Variants in CEP162 observed in about 807,000 individuals in gnomAD.
CEP162 encodes centrosomal protein 162.
A neutral mutation model predicts 169.2 loss-of-function variants in CEP162; 141 were observed. The ratio of observed to expected loss-of-function variants is 0.83; its 90% CI spans 0.73 to 0.96. The LOEUF (loss-of-function observed/expected upper bound fraction) is 0.96, where lower values mean the gene tolerates loss of function less well. Among genes scored for constraint, CEP162 ranks in the 40% least tolerant of loss-of-function variants. The pLI, the probability that CEP162 is intolerant of heterozygous loss-of-function variation, is 0.00. For synonymous variants in CEP162, 540 were observed against 526.4 expected, an observed-to-expected ratio of 1.03 and a Z score of -0.35; for missense variants, 1,600 against 1,587.2, an observed-to-expected ratio of 1.01 and a Z score of -0.14.
intron 1 of CEP162, among the ~76,000 whole-genome samples, chr6:84,226,741 T>G (rs1256809794): frequency 6.6e-6 from 1 of 152,208 alleles, no homozygotes; most frequent in East Asian, 1.9e-4. Flanking sequence ...TGTGCATGTG[T>G]TAATTAGTAC....
chr6:84,176,797 T>C (rs760979799), intron 13 of CEP162, among the ~76,000 whole-genome samples: 5 of 152,142 alleles, frequency 3.3e-5, no homozygotes, highest in Non-Finnish European at 7.4e-5. Flanking sequence ...TTCATAGTTG[T>C]AGTCTGCCAG....
At chr6:84,169,240 G>A in intron 18 of CEP162, 88 bp downstream of exon 18, 1 of 734,188 alleles carries the variant, frequency 1.4e-6, no homozygotes, top group African/African-American at 1.8e-5. Flanking sequence ...ACATTTCTAT[G>A]TAATTTTTTA....
At chr6:84,167,922 A>T (rs2099528486) in intron 18 of CEP162, among the ~76,000 whole-genome samples, 1 of 152,120 alleles carries the variant, frequency 6.6e-6, no homozygotes, top group Non-Finnish European at 1.5e-5. Flanking sequence ...TTGCTGTTAA[A>T]GCTCAGGCCT....
chr6:84,225,381 T>C (rs1378617202), intron 2 of CEP162, among the ~76,000 whole-genome samples: 3 of 152,184 alleles, frequency 2.0e-5, no homozygotes, highest in East Asian at 1.9e-4. Flanking sequence ...AGCATTTCTG[T>C]ATCTAAACAT....
chr6:84,188,950 T>C (rs62449303), intron 11 of CEP162, among the ~76,000 whole-genome samples: 257 of 152,298 alleles, frequency 1.7e-3, no homozygotes, highest in Middle Eastern at 6.8e-3. Flanking sequence ...TGGCATCTCA[T>C]TGTGGTTTAA....
intron 5 of CEP162, among the ~76,000 whole-genome samples, chr6:84,214,710 AT>A (rs1452513065): frequency 3.9e-5 from 6 of 152,178 alleles, no homozygotes; most frequent in Non-Finnish European, 5.9e-5. Context: ...TCCATTCATA[AT>A]TTTAAGAATT....
chr6:84,139,454 C>G (rs978899674), intron 25 of CEP162, among the ~76,000 whole-genome samples: 4 of 152,182 alleles, frequency 2.6e-5, no homozygotes. Flanking sequence ...TCTTGTTAAT[C>G]TGTCTTTTGT....
At chr6:84,140,379 ACTCTT>A (rs2099516070) in intron 25 of CEP162, among the ~76,000 whole-genome samples, 1 of 148,118 alleles carries the variant, frequency 6.8e-6, no homozygotes, top group Non-Finnish European at 1.5e-5. Context: ...TTTTCACACA[ACTCTT>A]CTGTCTGCAG....
intron 9 of CEP162, among the ~76,000 whole-genome samples, chr6:84,199,344 A>G (rs2099543491): frequency 6.6e-6 from 1 of 152,158 alleles, no homozygotes; most frequent in Admixed American, 6.5e-5. Context: ...TTAAAATGAA[A>G]GTGGATGTAA....
rs1439619898 is a variant in CEP162, at chr6:84,204,113, T to C, written c.572-17A>G. The C allele has an allele frequency of 2.0e-6, 3 of 1,483,892 alleles. No individual in the cohort carries two copies. The highest frequency in any genetic ancestry group is 2.8e-6 in the Non-Finnish European group (3 of 1,077,490). 91.9% of individuals were successfully genotyped at this position (1,483,892 alleles called of 1,614,324 possible). A position where few individuals can be genotyped will look rare whatever the true frequency, so the allele number is the denominator to read the frequency against. On this transcript the variant is annotated splice_polypyrimidine_tract_variant and intron_variant, in intron 6 of 26. Transcript: ENST00000403245. ...TGTAATTTTCTGAAGAAAGTAATTT[T>C]TAAAAGTACAAAGACCACATTGTTA...
At chr6:84,158,138 C>T (rs1046736278) in intron 21 of CEP162, among the ~76,000 whole-genome samples, 1 of 152,104 alleles carries the variant, frequency 6.6e-6, no homozygotes, top group Non-Finnish European at 1.5e-5. Context: ...GAAAAACATA[C>T]AAACACTAAA....
intron 21 of CEP162, among the ~76,000 whole-genome samples, chr6:84,159,548 T>TATATATATATATATATA (rs1491229310): frequency 2.1e-4 from 3 of 14,260 alleles, no homozygotes; most frequent in African/African-American, 5.8e-4. Context: ...TATATATATA[T>TATATATATATATATATA]TTTTTTTTTT....
intron 22 of CEP162, among the ~76,000 whole-genome samples, chr6:84,154,509 A>C (rs1423991914): frequency 6.6e-6 from 1 of 152,112 alleles, no homozygotes; most frequent in Non-Finnish European, 1.5e-5. Flanking sequence ...TGTTTCTGGA[A>C]TCTAATGTTC....
chr6:84,137,228 C>T (rs2099514527), intron 25 of CEP162, among the ~76,000 whole-genome samples: 1 of 152,194 alleles, frequency 6.6e-6, no homozygotes, highest in Admixed American at 6.5e-5. Context: ...GCCTTGCTAG[C>T]CTGCTGTTTC....
rs1312589368 is a variant in CEP162 at position 84,153,040 on chromosome 6, A to G, written c.3134T>C (p.Leu1045Pro). 8 of 1,613,428 alleles carry G rather than the reference A, an allele frequency of 5.0e-6. No homozygotes were observed. The highest frequency in any genetic ancestry group is 1.6e-4 in the Middle Eastern group (1 of 6,084). The change falls in exon 23 of 27, where the codon CTT (leucine) becomes CCT (proline). Residue 1045 changes from leucine (L) to proline (P), a missense_variant. Transcript: ENST00000403245. ...TTTAAGAACGTCTATTTCGGCTTCA[A>G]GGTTTCTTACAGTGATCTGATGGGC... ...KEAHQITVRN[L>P]EAEIDVLKHQ...
intron 16 of CEP162, among the ~76,000 whole-genome samples, chr6:84,173,232 A>G (rs1288641684): frequency 6.6e-6 from 1 of 152,212 alleles, no homozygotes; most frequent in Non-Finnish European, 1.5e-5. Context: ...AAGAGTGTAC[A>G]GATGCTCCTC....
At chr6:84,163,639 G>T (rs927858844) in intron 18 of CEP162, among the ~76,000 whole-genome samples, 18 of 151,740 alleles carry the variant, frequency 1.2e-4, no homozygotes, top group Admixed American at 1.1e-3. Context: ...CACATGAATT[G>T]CTGTACAGTC....
At chr6:84,171,556 C>T (rs2099530127) in intron 17 of CEP162, 50 bp downstream of exon 17, 1 of 646,592 alleles carries the variant, frequency 1.5e-6, no homozygotes, top group African/African-American at 1.9e-5. Context: ...TAAGAAAATG[C>T]TTGAAATAGT....
chr6:84,160,959 T>C (rs1346792706), intron 20 of CEP162, 43 bp from the exon 21 acceptor site: 2 of 1,331,204 alleles, frequency 1.5e-6, no homozygotes, highest in Middle Eastern at 1.8e-4. Flanking sequence ...TATGTAAACA[T>C]AACAGAAAAG....
Sources: allele counts gnomAD v4.1 joint callset (sites outside exome capture counted in the v4.1 genomes callset), GRCh38; gene constraint gnomAD v4.1.1; transcripts MANE v1.5; gene names NCBI Gene and HGNC (gene_info 2026-07-23, HGNC 2026-07-21).